ITPK1: variants seen among roughly 807,000 people sequenced by gnomAD.
ITPK1 encodes the protein inositol 1,3,4-trisphosphate 5/6-kinase.
In ITPK1, 21 loss-of-function variants were observed where a neutral mutation model predicts 45.3. That is an observed-to-expected ratio of 0.46 (90% CI 0.33 to 0.67). The LOEUF is 0.67. Ranked by LOEUF, ITPK1 falls within the 30% of genes least tolerant of loss-of-function variation. The pLI is 0.02. For synonymous variants in ITPK1, 258 were observed against 253.6 expected, an observed-to-expected ratio of 1.02 and a Z score of -0.16; for missense variants, 474 against 573.5, an observed-to-expected ratio of 0.83 and a Z score of 1.77.
At chr14:93,088,505 G>A (rs1290611109) in intron 2 of ITPK1, among the ~76,000 whole-genome samples, 6 of 151,832 alleles carry the variant, frequency 4.0e-5, no homozygotes, top group South Asian at 2.1e-4. Flanking sequence ...ACAGTCGTGC[G>A]CCACCATACT....
At chr14:92,971,100 C>T (rs1885629908) in intron 5 of ITPK1, among the ~76,000 whole-genome samples, 2 of 152,186 alleles carry the variant, frequency 1.3e-5, no homozygotes, top group African/African-American at 4.8e-5. Flanking sequence ...GCACCCTCTT[C>T]CTGCTCACCT....
Position 93,076,551 on chromosome 14 carries a change from G to A in ITPK1, c.120+44C>T, listed in dbSNP as rs1891225539. ...GAGAGACAGAGAGGTGGGCACCAAG[G>A]GCCCCACTACCCAAAGAACCACGGG... is the stretch of plus-strand genomic sequence containing the variant. On this transcript the variant is annotated intron_variant, in intron 3 of 10. Transcript: ENST00000267615. This position sits in a 1 kb window ranked among gnomAD's most constrained non-coding sequence, Gnocchi z 4.3. 1 of 1,610,160 alleles carries A rather than the reference G, an allele frequency of 6.2e-7. No individual in the cohort carries two copies. The highest frequency in any genetic ancestry group is 8.5e-7 in the Non-Finnish European group (1 of 1,176,546).
chr14:93,105,811 C>CT (rs1892502218), intron 2 of ITPK1, among the ~76,000 whole-genome samples: 3 of 150,884 alleles, frequency 2.0e-5, no homozygotes, highest in African/African-American at 7.3e-5. Flanking sequence ...TCAAGCGTTT[C>CT]TCCTGCCTCA....
intron 8 of ITPK1, among the ~76,000 whole-genome samples, chr14:92,954,536 G>A (rs559938012): frequency 6.6e-6 from 1 of 152,336 alleles, no homozygotes; most frequent in East Asian, 1.9e-4. Context: ...TAGCCCAATA[G>A]CACCAGTGGA....
chr14:92,968,604 G>A (rs1017809936), intron 5 of ITPK1, among the ~76,000 whole-genome samples: 4 of 152,144 alleles, frequency 2.6e-5, no homozygotes, highest in African/African-American at 9.7e-5. Context: ...CGAAATGCAA[G>A]AACAAGACAT....
In ITPK1 at chr14:93,014,234, C is replaced by T. The variant is rs546057612; in HGVS notation, c.246+2442G>A. On this transcript the variant is annotated intron_variant, in intron 4 of 10. Transcript: ENST00000267615. This position sits in a 1 kb window ranked among gnomAD's most constrained non-coding sequence, Gnocchi z 4.4. ...AAATGCACCTGTGGCTGCCTGACAG[C>T]CTTAAGCCACAAGGCCCCATGCTGC... Among the ~76,000 whole-genome samples, 1 of 152,288 alleles carries T rather than the reference C, an allele frequency of 6.6e-6. No homozygotes were observed. The highest frequency in any genetic ancestry group is 1.9e-4 in the East Asian group (1 of 5,184).
chr14:92,978,784 C>G (rs1172960608), intron 5 of ITPK1, among the ~76,000 whole-genome samples: 1 of 152,188 alleles, frequency 6.6e-6, no homozygotes, highest in East Asian at 1.9e-4. Context: ...ATGGAAACAC[C>G]TGGATGTCCA....
In ITPK1 at chr14:93,044,704, G is replaced by A. The variant is rs534862967; in HGVS notation, c.121-27903C>T. 5.9e-5 allele frequency among the ~76,000 whole-genome samples: 9 copies of A among 152,314 alleles called. No homozygotes were observed. In the South Asian group the frequency reaches 1.2e-3, roughly 21 times the overall value. ...AGAGGAGGTGGGACAGTGGCCCAGCGGACAGCAACACGGCAGAGAGGGAAG... is the reference window on the plus strand; with the variant it reads ...AGAGGAGGTGGGACAGTGGCCCAGCAGACAGCAACACGGCAGAGAGGGAAG... On this transcript the variant is annotated intron_variant, in intron 3 of 10. Coordinates refer to ENST00000267615, the MANE Select transcript of ITPK1 (RefSeq NM_014216.6).
chr14:93,075,326 C>CA (rs58089863), intron 3 of ITPK1, among the ~76,000 whole-genome samples: 556 of 53,998 alleles, frequency 0.01, 14 homozygotes, highest in Non-Finnish European at 0.012. Context: ...GACTCCTTCT[C>CA]AAAAAAAAAA....
At chr14:93,009,885 C>A (rs1248809034) in intron 4 of ITPK1, among the ~76,000 whole-genome samples, 2 of 152,198 alleles carry the variant, frequency 1.3e-5, no homozygotes, top group African/African-American at 4.8e-5. Flanking sequence ...GTCACCAAAG[C>A]CCCTCCGAGC....
intron 2 of ITPK1, among the ~76,000 whole-genome samples, chr14:93,079,894 A>G (rs557483154): frequency 6.6e-6 from 1 of 152,346 alleles, no homozygotes; most frequent in Non-Finnish European, 1.5e-5. Flanking sequence ...CCCTGGCTCC[A>G]TGATCCCACC....
chr14:93,013,170 A>C lies in ITPK1; in HGVS notation c.246+3506T>G, dbSNP rs145309384. Among the ~76,000 whole-genome samples, 271 of 152,376 alleles carry C rather than the reference A, an allele frequency of 1.8e-3. 1 individual carries two copies. Among genetic ancestry groups the C allele is most frequent in the Non-Finnish European group, 3.2e-3 (218 of 68,036 alleles). ...ACACTGAGAACCAAACCTCAGGCAG[A>C]GCCTCAGGGGCAACAGGCTGCTGGC... On this transcript the variant is annotated intron_variant, in intron 4 of 10. Coordinates refer to ENST00000267615, the MANE Select transcript of ITPK1 (RefSeq NM_014216.6).
In ITPK1 at chr14:93,036,387, A is replaced by G. The variant is rs532359379; in HGVS notation, c.121-19586T>C. On this transcript the variant is annotated intron_variant, in intron 3 of 10. Transcript: ENST00000267615. This position sits in a 1 kb window ranked among gnomAD's most constrained non-coding sequence, Gnocchi z 4.1. ...TCTCACTGAGGTTTAAGATAAACCA[A>G]AGATGCTGAGAGAACAAATGTGACA... is the stretch of plus-strand genomic sequence containing the variant. Among the ~76,000 whole-genome samples, 4 of 152,340 alleles carry G rather than the reference A, an allele frequency of 2.6e-5. No homozygotes were observed. Among genetic ancestry groups the G allele is most frequent in the Admixed American group, 2.6e-4 (4 of 15,310 alleles).
chr14:93,064,934 G>A (rs1890687011), intron 3 of ITPK1, among the ~76,000 whole-genome samples: 1 of 152,184 alleles, frequency 6.6e-6, no homozygotes, highest in African/African-American at 2.4e-5. Flanking sequence ...GTCACGATGA[G>A]TGTGCGGGGA....
At chr14:92,960,829 T>C (rs11623725) in intron 7 of ITPK1, among the ~76,000 whole-genome samples, 44,602 of 152,082 alleles carry the variant, frequency 0.29, 7,480 homozygotes, top group African/African-American at 0.47. Flanking sequence ...CCTGGCCTGG[T>C]ACATCCTGGA....
chr14:92,971,687 C>A (rs964398361), intron 5 of ITPK1, among the ~76,000 whole-genome samples: 1 of 152,198 alleles, frequency 6.6e-6, no homozygotes, highest in African/African-American at 2.4e-5. Context: ...AGGGAAAGCC[C>A]AGGAAGCAAA....
intron 4 of ITPK1, among the ~76,000 whole-genome samples, chr14:92,994,771 C>T (rs1251870639): frequency 6.6e-6 from 1 of 152,188 alleles, no homozygotes; most frequent in Non-Finnish European, 1.5e-5. Context: ...AGGGAAAAAG[C>T]TGGCCTGAAG....
At chr14:92,991,151 G>T (rs180723509) in intron 5 of ITPK1, among the ~76,000 whole-genome samples, 10 of 152,262 alleles carry the variant, frequency 6.6e-5, no homozygotes, top group African/African-American at 2.4e-4. Context: ...TTTACAGTAC[G>T]CCTGAAAGGG....
chr14:92,975,691 A>G (rs571889836), intron 5 of ITPK1, among the ~76,000 whole-genome samples: 16 of 152,252 alleles, frequency 1.1e-4, no homozygotes, highest in Non-Finnish European at 2.2e-4. Flanking sequence ...AGGAAGGGTA[A>G]GAAAGAATTC....
Sources: allele counts gnomAD v4.1 joint callset (sites outside exome capture counted in the v4.1 genomes callset), GRCh38; gene constraint gnomAD v4.1.1; non-coding constraint Gnocchi (gnomAD v3.1); transcripts MANE v1.5; gene names NCBI Gene and HGNC (gene_info 2026-07-23, HGNC 2026-07-21).